The following AP1S3 variants were observed in gnomAD, a reference collection of about 807,000 sequenced individuals.
The protein encoded by AP1S3 is AP-1 complex subunit sigma-3.
AP1S3 carries 10 observed loss-of-function variants against 20.9 expected under a neutral mutation model. That is an observed-to-expected ratio of 0.48 (90% CI 0.29 to 0.81). The LOEUF (loss-of-function observed/expected upper bound fraction) is 0.81, where lower values mean the gene tolerates loss of function less well. Among genes scored for constraint, AP1S3 ranks in the 30% least tolerant of loss-of-function variants. The probability of loss-of-function intolerance (pLI) is 0.08; values close to 1 mark genes in which losing one functional copy is unlikely to be tolerated. For synonymous variants in AP1S3, 41 were observed against 61.5 expected (o/e 0.67, Z 1.56); for missense variants, 154 against 183.8 (o/e 0.84, Z 0.94).
chr2:223,828,911 C>T (rs1207394830), intron 1 of AP1S3, among the ~76,000 whole-genome samples: 1 of 152,296 alleles, frequency 6.6e-6, no homozygotes, highest in South Asian at 2.1e-4. Flanking sequence ...GGCGCGATCT[C>T]GGCTCACTGC....
At chr2:223,824,959 G>C (rs1692088907) in intron 1 of AP1S3, among the ~76,000 whole-genome samples, 1 of 152,116 alleles carries the variant, frequency 6.6e-6, no homozygotes, top group Non-Finnish European at 1.5e-5. Context: ...TCGTTAGTGG[G>C]ATTACCCGGA....
chr2:223,765,396 A>G, intron 3 of AP1S3, 46 bp from the exon 4 acceptor site: 2 of 1,569,204 alleles, frequency 1.3e-6, no homozygotes, highest in African/African-American at 1.4e-5. Context: ...CAGTTGTATC[A>G]GGGGAAACAT....
At chr2:223,769,656 A>G (rs75127291) in intron 3 of AP1S3, among the ~76,000 whole-genome samples, 1,582 of 152,182 alleles carry the variant, frequency 0.01, 30 homozygotes, top group African/African-American at 0.036. Flanking sequence ...TTACATGCAC[A>G]AATATGGCAA....
At chr2:223,760,254 A>C (rs1690321072) in intron 4 of AP1S3, among the ~76,000 whole-genome samples, 1 of 152,196 alleles carries the variant, frequency 6.6e-6, no homozygotes, top group Non-Finnish European at 1.5e-5. Context: ...CTCATTTAGC[A>C]ATCCAAGTTC....
At chr2:223,827,097 C>G (rs1300672017) in intron 1 of AP1S3, among the ~76,000 whole-genome samples, 1 of 152,158 alleles carries the variant, frequency 6.6e-6, no homozygotes, top group Non-Finnish European at 1.5e-5. Context: ...AGAGACCAAT[C>G]TGCCTTATTG....
intron 1 of AP1S3, among the ~76,000 whole-genome samples, chr2:223,835,406 C>T (rs1364002392): frequency 1.3e-5 from 2 of 152,158 alleles, no homozygotes; most frequent in African/African-American, 4.8e-5. Flanking sequence ...CCTGTAATGC[C>T]AGCACTTTGG....
rs1439422498 is a variant in AP1S3, at chr2:223,755,841, ACTTT to A, written c.*2870_*2873del. ...CACCTTGCCCAGAAGAGATATATTT[ACTTT>A]CTATGTGTGACACTGATTGAAGTCT... On this transcript the variant is annotated 3_prime_UTR_variant, in exon 5 of 5. Coordinates refer to ENST00000396654, the MANE Select transcript of AP1S3 (RefSeq NM_001039569.2). 1.0e-6 allele frequency: 1 copy of A among 985,144 alleles called. No individual in the cohort carries two copies. The allele number at this position is 985,144 out of a possible 1,614,324, so 61.0% of individuals were successfully genotyped here. A position where few individuals can be genotyped will look rare whatever the true frequency, so the allele number is the denominator to read the frequency against.
chr2:223,774,301 G>T (rs1385308467), intron 3 of AP1S3, among the ~76,000 whole-genome samples: 3 of 152,044 alleles, frequency 2.0e-5, no homozygotes, highest in Non-Finnish European at 4.4e-5. Context: ...GGAGGCAGAG[G>T]TTGCAGTGAG....
intron 1 of AP1S3, among the ~76,000 whole-genome samples, chr2:223,820,668 G>GAA (rs1242596885): frequency 0.36 from 42,597 of 117,706 alleles, 7,196 homozygotes; most frequent in Middle Eastern, 0.46. Context: ...CAAACTAGGA[G>GAA]AAAAAAAAAA....
intron 3 of AP1S3, among the ~76,000 whole-genome samples, chr2:223,774,941 A>G (rs1284819787): frequency 1.3e-5 from 2 of 151,066 alleles, no homozygotes; most frequent in Non-Finnish European, 2.9e-5. Flanking sequence ...GTACACACAG[A>G]GTTAGGAAGA....
chr2:223,775,776 CT>C, intron 3 of AP1S3, 124 bp downstream of exon 3: 2 of 722,088 alleles, frequency 2.8e-6, no homozygotes. Context: ...CTAAGGTGAT[CT>C]TCGGTTCAAG....
In AP1S3 at chr2:223,774,149, G is replaced by A. The variant is rs55986920; in HGVS notation, c.291+1752C>T. Among the ~76,000 whole-genome samples the A allele has an allele frequency of 4.7e-3, 719 of 152,308 alleles. 4 individuals are homozygous for A. The highest frequency in any genetic ancestry group is 0.014 in the African/African-American group (602 of 41,560). Reference sequence around the variant, plus strand: ...GGAGGCCAAGGCAGGCGGATCGCCCGAGGTCAGGAGTTCAAGACTAGCCTG... The same window carrying A: ...GGAGGCCAAGGCAGGCGGATCGCCCAAGGTCAGGAGTTCAAGACTAGCCTG... On this transcript the variant is annotated intron_variant, in intron 3 of 4. Transcript: ENST00000396654.
At chr2:223,797,072 A>C (rs1691354585) in intron 1 of AP1S3, among the ~76,000 whole-genome samples, 1 of 152,196 alleles carries the variant, frequency 6.6e-6, no homozygotes, top group South Asian at 2.1e-4. Flanking sequence ...TCTAAGGTGA[A>C]TCACTTTCAC....
chr2:223,805,895 TA>T, intron 1 of AP1S3, among the ~76,000 whole-genome samples: 1 of 152,202 alleles, frequency 6.6e-6, no homozygotes, highest in Non-Finnish European at 1.5e-5. Context: ...CTAGGCTGAG[TA>T]TACCAGAAAC....
In AP1S3 at chr2:223,758,728, T is replaced by C. The variant is rs750601010; in HGVS notation, c.452A>G (p.Lys151Arg). Residue 151 changes from lysine (K) to arginine (R), a missense_variant, in exon 5 of 5, where the codon AAG (lysine) becomes AGG (arginine). Physicochemically the swap from Lys to Arg is conservative, Grantham distance 26. Transcript: ENST00000396654. ...GTAGATTTCCAGTTAAAATGTAGGCTTGTTCATGTATTCTTCCATTGTCTG... is the reference window on the plus strand; with the variant it reads ...GTAGATTTCCAGTTAAAATGTAGGCCTGTTCATGTATTCTTCCATTGTCTG... ...LQETMEEYMN[K>R]PTF is the part of the protein sequence containing the mutation. 39 of 1,610,074 alleles carry C rather than the reference T, an allele frequency of 2.4e-5. No homozygotes were observed. The Middle Eastern group carries it at 9.9e-4, about 41-fold the overall frequency.
chr2:223,802,089 T>A (rs1029734115), intron 1 of AP1S3, among the ~76,000 whole-genome samples: 1 of 152,122 alleles, frequency 6.6e-6, no homozygotes, highest in South Asian at 2.1e-4. Flanking sequence ...TAGAAAAGAT[T>A]GTTTGTATAT....
intron 1 of AP1S3, among the ~76,000 whole-genome samples, chr2:223,780,347 A>AGTGTGTGTGTGT (rs1347365267): frequency 1.1e-5 from 1 of 89,390 alleles, no homozygotes; most frequent in Non-Finnish European, 2.1e-5. Flanking sequence ...AGAGAGAGAG[A>AGTGTGTGTGTGT]GAGAGAGAGA....
At chr2:223,808,481 G>A (rs1691637004) in intron 1 of AP1S3, among the ~76,000 whole-genome samples, 1 of 152,108 alleles carries the variant, frequency 6.6e-6, no homozygotes, top group Non-Finnish European at 1.5e-5. Flanking sequence ...CAGAAGAAAG[G>A]ACTCTTTCCA....
rs1355478466 is a variant in AP1S3 at position 223,832,133 on chromosome 2, CTCTG to C, written c.3+5311_3+5314del. Among the ~76,000 whole-genome samples, 136 of 43,020 alleles carry C rather than the reference CTCTG, an allele frequency of 3.2e-3. 3 individuals carry two copies. The South Asian group carries it at 0.034, about 11-fold the overall frequency. 28.2% of individuals were successfully genotyped at this position (43,020 alleles called of 152,430 possible). The stretch of plus-strand genomic sequence containing the variant: ...CTGGGGATTATTAAAGGAGTTTTCT[CTCTG>C]TGTGTGTGTGTGTGTGTGTGTGTGT... On this transcript the variant is annotated intron_variant, in intron 1 of 4. Transcript: ENST00000396654.
Sources: gnomAD v4.1 joint callset for allele counts (sites outside exome capture counted in the v4.1 genomes callset) on GRCh38, gnomAD v4.1.1 for gene constraint, MANE v1.5 for transcripts, NCBI Gene and HGNC (gene_info 2026-07-23, HGNC 2026-07-21) for gene names.